The following PCDH15 variants were observed in gnomAD, a reference collection of about 807,000 sequenced individuals.
PCDH15 encodes the protein protocadherin-15.
PCDH15 carries 129 observed loss-of-function variants against 178.5 expected under a neutral mutation model. That is an observed-to-expected ratio of 0.72 (90% CI 0.63 to 0.84). PCDH15 has a LOEUF of 0.84. Ranked by LOEUF, PCDH15 falls within the 40% of genes least tolerant of loss-of-function variation. The pLI is 0.00. For synonymous variants in PCDH15, 800 were observed against 732.0 expected (o/e 1.09, Z -1.50); for missense variants, 2,230 against 2,099.9 (o/e 1.06, Z -1.21).
chr10:54,201,011 C>A (rs1386281384), intron 10 of PCDH15, among the ~76,000 whole-genome samples: 1 of 152,102 alleles, frequency 6.6e-6, no homozygotes, highest in Non-Finnish European at 1.5e-5. Flanking sequence ...GATATAAATA[C>A]CTGCAACAAT....
At chr10:55,437,373 G>A (rs1181273656) in intron 2 of PCDH15, among the ~76,000 whole-genome samples, 1 of 152,142 alleles carries the variant, frequency 6.6e-6, no homozygotes, top group African/African-American at 2.4e-5. Flanking sequence ...ACACCTAAGT[G>A]AAACATTTTA....
intron 3 of PCDH15, among the ~76,000 whole-genome samples, chr10:54,853,320 C>CAT (rs1953671480): frequency 1.3e-5 from 1 of 76,062 alleles, no homozygotes; most frequent in African/African-American, 4.8e-5. Context: ...TATATATATA[C>CAT]ATACACACAC....
At chr10:54,916,855 G>A (rs1771629793) in intron 2 of PCDH15, among the ~76,000 whole-genome samples, 1 of 149,504 alleles carries the variant, frequency 6.7e-6, no homozygotes, top group African/African-American at 2.6e-5. Context: ...GGAAAGGGGA[G>A]GATTTTTGGG....
intron 2 of PCDH15, among the ~76,000 whole-genome samples, chr10:55,349,103 A>G (rs1364791662): frequency 1.3e-5 from 2 of 152,096 alleles, no homozygotes; most frequent in East Asian, 3.9e-4. Flanking sequence ...ATTGAGAATG[A>G]TGCATTCTCT....
At chr10:55,612,414 A>G (rs1244850807) in intron 2 of PCDH15, among the ~76,000 whole-genome samples, 1 of 152,124 alleles carries the variant, frequency 6.6e-6, no homozygotes, top group Non-Finnish European at 1.5e-5. Context: ...AAAATTGAAT[A>G]TGGCACGTCC....
intron 3 of PCDH15, among the ~76,000 whole-genome samples, chr10:54,390,776 A>G (rs1048051086): frequency 1.3e-5 from 2 of 152,190 alleles, no homozygotes; most frequent in Admixed American, 6.5e-5. Context: ...CTGTAAGGCT[A>G]TTAGGCAGAA....
chr10:54,553,724 C>G (rs535736274), intron 2 of PCDH15, among the ~76,000 whole-genome samples: 15 of 152,166 alleles, frequency 9.9e-5, no homozygotes, highest in Admixed American at 9.2e-4. Flanking sequence ...TTATCCTGTT[C>G]AGTCTTTGAG....
chr10:55,497,446 T>A (rs1840559685), intron 2 of PCDH15, among the ~76,000 whole-genome samples: 1 of 151,796 alleles, frequency 6.6e-6, no homozygotes, highest in Admixed American at 6.6e-5. Context: ...AGGTACTTTT[T>A]AAAAACCTTT....
intron 8 of PCDH15, among the ~76,000 whole-genome samples, chr10:54,243,531 T>C (rs951210157): frequency 6.6e-6 from 1 of 152,158 alleles, no homozygotes; most frequent in South Asian, 2.1e-4. Flanking sequence ...GTGAACATTA[T>C]TAGTCTCATT....
intron 6 of PCDH15, among the ~76,000 whole-genome samples, chr10:54,335,891 G>T (rs779923013): frequency 3.3e-5 from 5 of 152,146 alleles, no homozygotes; most frequent in African/African-American, 1.2e-4. Context: ...AGAAGGACAG[G>T]AAAAGGTGGG....
At chr10:54,851,107 A>G (rs955400713) in intron 3 of PCDH15, among the ~76,000 whole-genome samples, 16 of 152,162 alleles carry the variant, frequency 1.1e-4, no homozygotes, top group African/African-American at 3.6e-4. Flanking sequence ...GAAGGCAAAT[A>G]AGGTATTTTG....
intron 8 of PCDH15, among the ~76,000 whole-genome samples, chr10:54,244,231 T>C: frequency 6.6e-6 from 1 of 152,200 alleles, no homozygotes; most frequent in East Asian, 1.9e-4. Flanking sequence ...TGACTGAATT[T>C]GTTTCCAAAA....
chr10:54,791,227 G>A (rs1408140995), intron 1 of PCDH15, among the ~76,000 whole-genome samples: 1 of 151,900 alleles, frequency 6.6e-6, no homozygotes, highest in Non-Finnish European at 1.5e-5. Context: ...GTAGTACTCA[G>A]CAATCAAGTA....
At chr10:54,446,889 C>T (rs969697986) in intron 3 of PCDH15, among the ~76,000 whole-genome samples, 8 of 151,480 alleles carry the variant, frequency 5.3e-5, no homozygotes, top group African/African-American at 1.9e-4. Flanking sequence ...AAAAAACATT[C>T]GCAGAAGGAA....
intron 20 of PCDH15, among the ~76,000 whole-genome samples, chr10:54,015,791 A>T (rs571687176): frequency 2.0e-5 from 3 of 152,288 alleles, no homozygotes; most frequent in East Asian, 3.9e-4. Context: ...CTAAAACTAT[A>T]AAAACACAAA....
chr10:54,265,534 C>A (rs1376561145), intron 8 of PCDH15, among the ~76,000 whole-genome samples: 1 of 150,114 alleles, frequency 6.7e-6, no homozygotes, highest in Non-Finnish European at 1.5e-5. Context: ...AGAGACCCAT[C>A]TCATAAGTAA....
chr10:55,491,472 G>A (rs1840416284), intron 2 of PCDH15, among the ~76,000 whole-genome samples: 1 of 151,648 alleles, frequency 6.6e-6, no homozygotes, highest in African/African-American at 2.4e-5. Flanking sequence ...GTTGGGGAAA[G>A]TCAGAACTGC....
intron 6 of PCDH15, among the ~76,000 whole-genome samples, chr10:54,336,157 T>C (rs1941074833): frequency 6.6e-6 from 1 of 152,168 alleles, no homozygotes; most frequent in Non-Finnish European, 1.5e-5. Flanking sequence ...ACATTCAAGA[T>C]GTGACTTCAG....
chr10:55,440,040 T>A (rs1353388618), intron 2 of PCDH15, among the ~76,000 whole-genome samples: 1 of 152,188 alleles, frequency 6.6e-6, no homozygotes, highest in Non-Finnish European at 1.5e-5. Context: ...AAATGTGTTG[T>A]TATTGGCATA....
Sources: gnomAD v4.1 joint callset for allele counts (sites outside exome capture counted in the v4.1 genomes callset) on GRCh38, gnomAD v4.1.1 for gene constraint, MANE v1.5 for transcripts, NCBI Gene and HGNC (gene_info 2026-07-23, HGNC 2026-07-21) for gene names.